ERP44: variants seen among roughly 807,000 people sequenced by gnomAD.
ERP44 encodes the protein endoplasmic reticulum protein 44.
A neutral mutation model predicts 53.4 loss-of-function variants in ERP44; 25 were observed. That is an observed-to-expected ratio of 0.47 (90% CI 0.34 to 0.65). ERP44 has a LOEUF of 0.65. ERP44 is among the 30% of genes least tolerant of loss of function. ERP44 has a pLI of 0.01. For synonymous variants in ERP44, 145 were observed against 161.2 expected (o/e 0.90, Z 0.76); for missense variants, 338 against 493.2 (o/e 0.69, Z 2.98).
chr9:99,993,851 A>G (rs1830281998), intron 10 of ERP44, among the ~76,000 whole-genome samples: 2 of 152,238 alleles, frequency 1.3e-5, no homozygotes, highest in African/African-American at 4.8e-5. Context: ...AAAGGATATG[A>G]ACAGACAGGT....
intron 10 of ERP44, among the ~76,000 whole-genome samples, chr9:99,994,005 G>A (rs1008127071): frequency 6.6e-6 from 1 of 152,238 alleles, no homozygotes; most frequent in South Asian, 2.1e-4. Context: ...GGAAACAACA[G>A]GTGCTGGAGA....
intron 8 of ERP44, 50 bp downstream of exon 8, chr9:100,016,272 G>T: frequency 6.4e-7 from 1 of 1,554,428 alleles, no homozygotes. Flanking sequence ...GAAGCTTGTG[G>T]TTTCAGACAT....
chr9:100,035,580 C>T (rs547481669), intron 4 of ERP44, among the ~76,000 whole-genome samples: 1 of 152,158 alleles, frequency 6.6e-6, no homozygotes, highest in Admixed American at 6.5e-5. Flanking sequence ...GAGGCTGAGG[C>T]AGGAGAATTG....
chr9:100,061,185 G>A (rs1826142373), intron 1 of ERP44, among the ~76,000 whole-genome samples: 1 of 152,158 alleles, frequency 6.6e-6, no homozygotes, highest in African/African-American at 2.4e-5. Context: ...GCTCATGCCT[G>A]TAATCCCAGC....
intron 10 of ERP44, among the ~76,000 whole-genome samples, chr9:99,999,589 A>C (rs531797796): frequency 6.6e-6 from 1 of 152,102 alleles, no homozygotes; most frequent in Non-Finnish European, 1.5e-5. Context: ...TTAACCCCTC[A>C]TCAGATGTAT....
intron 4 of ERP44, among the ~76,000 whole-genome samples, chr9:100,024,535 G>A (rs2118660645): frequency 6.6e-6 from 1 of 150,618 alleles, no homozygotes; most frequent in East Asian, 1.9e-4. Context: ...AGAAAATGGA[G>A]AGGTCAGGGA....
chr9:100,012,278 A>G (rs949737055), intron 8 of ERP44, among the ~76,000 whole-genome samples: 1 of 152,212 alleles, frequency 6.6e-6, no homozygotes, highest in African/African-American at 2.4e-5. Context: ...TATCTATTGC[A>G]TATCTAGTGC....
Position 100,022,035 on chromosome 9 carries a change from A to C in ERP44, c.471+7T>G. 1 of 1,605,370 alleles carries C rather than the reference A, an allele frequency of 6.2e-7. No individual in the cohort carries two copies. The highest frequency in any genetic ancestry group is 8.5e-7 in the Non-Finnish European group (1 of 1,176,820). On this transcript the variant is annotated splice_region_variant and intron_variant, in intron 5 of 11. Coordinates refer to ENST00000262455, the MANE Select transcript of ERP44 (RefSeq NM_015051.3). Reference sequence around the variant, plus strand: ...GTTTGTTTAATCTAGCAAAAGTTACAACTTACATCAAGAGTGGTGATTTCT... The same window carrying C: ...GTTTGTTTAATCTAGCAAAAGTTACCACTTACATCAAGAGTGGTGATTTCT...
chr9:100,094,679 T>A (rs904380517), intron 1 of ERP44, among the ~76,000 whole-genome samples: 2 of 151,356 alleles, frequency 1.3e-5, no homozygotes, highest in Non-Finnish European at 2.9e-5. Flanking sequence ...TAAAAAAAAA[T>A]TTTCCTAGGT....
At chr9:100,090,625 T>A (rs1359537844) in intron 1 of ERP44, among the ~76,000 whole-genome samples, 1 of 151,960 alleles carries the variant, frequency 6.6e-6, no homozygotes, top group Non-Finnish European at 1.5e-5. Context: ...GGCAGGCACC[T>A]GTAATCCCAG....
At chr9:100,005,613 C>T (rs1440874837) in intron 10 of ERP44, among the ~76,000 whole-genome samples, 2 of 152,022 alleles carry the variant, frequency 1.3e-5, no homozygotes, top group Non-Finnish European at 2.9e-5. Flanking sequence ...TACGAAGAAA[C>T]AAGAACAGAG....
intron 10 of ERP44, among the ~76,000 whole-genome samples, chr9:100,004,421 G>C (rs893995783): frequency 6.6e-6 from 1 of 152,178 alleles, no homozygotes; most frequent in Non-Finnish European, 1.5e-5. Context: ...GGCAGGCCTC[G>C]GGCCTGCAGC....
intron 4 of ERP44, among the ~76,000 whole-genome samples, chr9:100,042,658 TA>T (rs759780308): frequency 1.3e-5 from 2 of 152,312 alleles, no homozygotes; most frequent in East Asian, 1.9e-4. Context: ...GGAAGCAACC[TA>T]AGTGTCCATT....
intron 1 of ERP44, among the ~76,000 whole-genome samples, chr9:100,097,757 T>C (rs1411585358): frequency 6.6e-6 from 1 of 152,212 alleles, no homozygotes; most frequent in East Asian, 1.9e-4. Context: ...TTTAATGGGA[T>C]ATGGCGGAAT....
intron 9 of ERP44, 128 bp from the exon 10 acceptor site, chr9:100,006,775 C>A: frequency 1.7e-6 from 1 of 592,560 alleles, no homozygotes; most frequent in East Asian, 3.0e-5. Context: ...TAATATAGAT[C>A]AGAAAAACTA....
intron 10 of ERP44, among the ~76,000 whole-genome samples, chr9:99,996,245 G>A (rs1156449944): frequency 6.6e-6 from 1 of 152,160 alleles, no homozygotes; most frequent in Non-Finnish European, 1.5e-5. Flanking sequence ...GCTCTAGTGA[G>A]ATAGGATTAG....
At chr9:100,041,087 C>T (rs889099870) in intron 4 of ERP44, among the ~76,000 whole-genome samples, 5 of 152,060 alleles carry the variant, frequency 3.3e-5, no homozygotes, top group Admixed American at 1.3e-4. Flanking sequence ...AAGCAATCTA[C>T]CTATTCAATG....
chr9:100,019,523 C>G (rs1215129243), intron 6 of ERP44, among the ~76,000 whole-genome samples: 1 of 152,104 alleles, frequency 6.6e-6, no homozygotes, highest in African/African-American at 2.4e-5. Flanking sequence ...AAGATAGCTA[C>G]TACAGTTAAG....
chr9:100,075,579 G>T (rs1487404288), intron 1 of ERP44, among the ~76,000 whole-genome samples: 1 of 152,146 alleles, frequency 6.6e-6, no homozygotes. Context: ...GGGACTTCTT[G>T]GTGAGACATC....
Sources: allele counts gnomAD v4.1 joint callset (sites outside exome capture counted in the v4.1 genomes callset), GRCh38; gene constraint gnomAD v4.1.1; transcripts MANE v1.5; gene names NCBI Gene and HGNC (gene_info 2026-07-23, HGNC 2026-07-21).